The following PLXNA4 variants were observed in gnomAD, a reference collection of about 807,000 sequenced individuals.
PLXNA4 encodes the protein plexin-A4.
In PLXNA4, 44 loss-of-function variants were observed where a neutral mutation model predicts 191.8. The ratio of observed to expected loss-of-function variants is 0.23; its 90% CI spans 0.18 to 0.29. The LOEUF (loss-of-function observed/expected upper bound fraction) is 0.29, where lower values mean the gene tolerates loss of function less well. PLXNA4 is among the 10% of genes least tolerant of loss of function. The probability of loss-of-function intolerance (pLI) is 1.00; values close to 1 mark genes in which losing one functional copy is unlikely to be tolerated. For missense variants in PLXNA4, 1,800 were observed against 2,488.8 expected (o/e 0.72, Z 5.89); for synonymous variants, 1,082 against 1,009.5 (o/e 1.07, Z -1.36).
intron 3 of PLXNA4, among the ~76,000 whole-genome samples, chr7:132,405,037 TAA>T (rs1421577883): frequency 2.7e-5 from 4 of 149,990 alleles, no homozygotes; most frequent in Admixed American, 1.3e-4. Context: ...AGCAAAATAA[TAA>T]GAGAGGGCAG....
chr7:132,145,355 T>G (rs1043242759), intron 28 of PLXNA4, 67 bp from the exon 29 acceptor site: 5 of 1,601,412 alleles, frequency 3.1e-6, no homozygotes, highest in Non-Finnish European at 3.4e-6. Context: ...TTTTAAAACC[T>G]GCCTCACAGA....
intron 31 of PLXNA4, among the ~76,000 whole-genome samples, chr7:132,132,152 C>T (rs2116495625): frequency 6.6e-6 from 1 of 152,348 alleles, no homozygotes; most frequent in Admixed American, 6.5e-5. Context: ...TCCTCCTACC[C>T]AGCAGTGTCG....
intron 1 of PLXNA4, among the ~76,000 whole-genome samples, chr7:132,509,545 T>C (rs1307350310): frequency 2.6e-5 from 4 of 152,224 alleles, no homozygotes; most frequent in African/African-American, 9.6e-5. Context: ...TCATGTAACT[T>C]GCATAGCTAT....
intron 9 of PLXNA4, among the ~76,000 whole-genome samples, chr7:132,214,301 G>A (rs1248459571): frequency 3.9e-5 from 6 of 152,156 alleles, no homozygotes; most frequent in Admixed American, 3.9e-4. Flanking sequence ...TCTTAGTGAG[G>A]CTTGTGATGA....
chr7:132,193,028 C>A (rs1443420340), intron 14 of PLXNA4, among the ~76,000 whole-genome samples: 1 of 152,008 alleles, frequency 6.6e-6, no homozygotes, highest in Admixed American at 6.6e-5. Context: ...TTAATGAGGT[C>A]ATGAAATAGG....
At chr7:132,183,023 C>G (rs1796761153) in intron 16 of PLXNA4, among the ~76,000 whole-genome samples, 1 of 152,158 alleles carries the variant, frequency 6.6e-6, no homozygotes, top group African/African-American at 2.4e-5. Flanking sequence ...AGCCTGATCC[C>G]CAATCAAAGG....
chr7:132,226,382 C>T, intron 7 of PLXNA4, 122 bp from the exon 8 acceptor site: 1 of 764,028 alleles, frequency 1.3e-6, no homozygotes, highest in South Asian at 1.7e-5. Context: ...CTTAACAGGG[C>T]TCTGACTCAG....
chr7:132,449,795 G>A (rs972557319), intron 3 of PLXNA4, among the ~76,000 whole-genome samples: 4 of 152,218 alleles, frequency 2.6e-5, no homozygotes, highest in Non-Finnish European at 5.9e-5. Context: ...CCAACCTAGT[G>A]GCAGAAGTCC....
Position 132,330,852 on chromosome 7 carries a change from G to A in PLXNA4, c.1372-32630C>T, listed in dbSNP as rs534969323. 2.6e-5 allele frequency among the ~76,000 whole-genome samples: 4 copies of A among 152,236 alleles called. No individual in the cohort carries two copies. In the South Asian group the frequency reaches 6.2e-4, roughly 24 times the overall value. Reference sequence around the variant, plus strand: ...TCACAAAAGCAACATCTGTCATAAGGGGTTACAGGTGCTGCTTACAAACAT... The same window carrying A: ...TCACAAAAGCAACATCTGTCATAAGAGGTTACAGGTGCTGCTTACAAACAT... On this transcript the variant is annotated intron_variant, in intron 3 of 31. Coordinates refer to ENST00000321063, the MANE Select transcript of PLXNA4 (RefSeq NM_020911.2).
At chr7:132,393,692 C>T (rs1793620356) in intron 3 of PLXNA4, among the ~76,000 whole-genome samples, 1 of 152,176 alleles carries the variant, frequency 6.6e-6, no homozygotes, top group African/African-American at 2.4e-5. Context: ...AGTAAGTAGA[C>T]ATGGCAAGGG....
At chr7:132,157,885 C>T (rs564820418) in intron 25 of PLXNA4, among the ~76,000 whole-genome samples, 5 of 152,198 alleles carry the variant, frequency 3.3e-5, no homozygotes, top group Non-Finnish European at 4.4e-5. Context: ...CCCACTGGGC[C>T]GTAACAGTTT....
chr7:132,480,223 AG>A (rs1797285140), intron 3 of PLXNA4, among the ~76,000 whole-genome samples: 1 of 152,162 alleles, frequency 6.6e-6, no homozygotes, highest in Admixed American at 6.5e-5. Context: ...GTAAGAATGG[AG>A]GGGGTGAAAG....
Position 132,371,898 on chromosome 7 carries a change from T to C in PLXNA4, c.1372-73676A>G, listed in dbSNP as rs111342600. On this transcript the variant is annotated intron_variant, in intron 3 of 31. Coordinates refer to ENST00000321063, the MANE Select transcript of PLXNA4 (RefSeq NM_020911.2). ...ACTGAGAAATAACTCTGGGGAAACT[T>C]GATTGGGAAGGTAAGCCTGATGTGA... is the stretch of plus-strand genomic sequence containing the variant. Among the ~76,000 whole-genome samples, 201 of 152,268 alleles carry C rather than the reference T, an allele frequency of 1.3e-3. 1 individual carries two copies. Among genetic ancestry groups the C allele is most frequent in the African/African-American group, 4.8e-3 (198 of 41,550 alleles).
At chr7:132,201,580 C>G (rs2116858182) in intron 12 of PLXNA4, among the ~76,000 whole-genome samples, 1 of 152,316 alleles carries the variant, frequency 6.6e-6, no homozygotes, top group Admixed American at 6.5e-5. Flanking sequence ...ATAATCCTGA[C>G]CAGCATCCGC....
rs775868969 is a variant in PLXNA4 at position 132,187,634 on chromosome 7, C to T, written c.2857-27G>A. On this transcript the variant is annotated intron_variant, in intron 14 of 31. Transcript: ENST00000321063. ...TGTGTAGAAAGGATGTGGCCTGAGA[C>T]ACAACCAGGAAGGGGTGGAGGAGGC... The T allele has an allele frequency of 3.1e-6, 5 of 1,592,236 alleles. No individual in the cohort carries two copies. The Admixed American group carries it at 6.8e-5, about 22-fold the overall frequency.
intron 3 of PLXNA4, among the ~76,000 whole-genome samples, chr7:132,360,542 CT>C (rs2116849196): frequency 6.6e-6 from 1 of 152,280 alleles, no homozygotes; most frequent in East Asian, 1.9e-4. Flanking sequence ...CCGTTCTATC[CT>C]TTCCTTAGCA....
intron 3 of PLXNA4, among the ~76,000 whole-genome samples, chr7:132,315,124 G>A (rs1211247995): frequency 6.6e-6 from 1 of 152,174 alleles, no homozygotes; most frequent in Admixed American, 6.5e-5. Flanking sequence ...GCCAGGGGAG[G>A]ATGTGTGAGC....
chr7:132,543,531 A>G (rs1019158593), intron 1 of PLXNA4, among the ~76,000 whole-genome samples: 5 of 152,184 alleles, frequency 3.3e-5, no homozygotes, highest in African/African-American at 9.7e-5. Context: ...CTGAATTTTT[A>G]TCAGTAGGAA....
chr7:132,325,554 AAAG>A (rs925281527), intron 3 of PLXNA4, among the ~76,000 whole-genome samples: 3 of 152,004 alleles, frequency 2.0e-5, no homozygotes, highest in African/African-American at 7.3e-5. Flanking sequence ...GGTGTCCTTA[AAAG>A]AAGAGGAAAA....
Sources: gnomAD v4.1 joint callset for allele counts (sites outside exome capture counted in the v4.1 genomes callset) on GRCh38, gnomAD v4.1.1 for gene constraint, MANE v1.5 for transcripts, NCBI Gene and HGNC (gene_info 2026-07-23, HGNC 2026-07-21) for gene names.